Variants in DNAH14 observed in about 807,000 individuals in gnomAD.
DNAH14 encodes the protein axonemal beta dynein heavy chain 14.
Under a neutral mutation model 520.9 loss-of-function variants are expected in DNAH14, and 478 were observed. The observed-to-expected ratio is 0.92, with a 90% CI of 0.85 to 0.99. The LOEUF (loss-of-function observed/expected upper bound fraction) is 0.99, where lower values mean the gene tolerates loss of function less well. DNAH14 is among the 50% of genes least tolerant of loss of function. The probability of loss-of-function intolerance (pLI) is 0.00; values close to 1 mark genes in which losing one functional copy is unlikely to be tolerated. For missense variants in DNAH14, 4,831 were observed against 5,234.5 expected (o/e 0.92, Z 2.38); for synonymous variants, 1,581 against 1,757.2 (o/e 0.90, Z 2.51).
At chr1:225,289,535 GATCT>G (rs1008083116) in intron 54 of DNAH14, among the ~76,000 whole-genome samples, 17 of 152,140 alleles carry the variant, frequency 1.1e-4, no homozygotes, top group African/African-American at 3.9e-4. Flanking sequence ...AAAAGGAAAA[GATCT>G]ATCTAGTTAC....
At chr1:225,043,201 G>A (rs895712335) in intron 13 of DNAH14, 87 bp downstream of exon 13, 2 of 1,341,794 alleles carry the variant, frequency 1.5e-6, no homozygotes, top group Non-Finnish European at 2.0e-6. Context: ...AGGCTGAGGT[G>A]GGAGGATCAC....
chr1:225,369,765 T>G (rs2095596123), intron 77 of DNAH14, among the ~76,000 whole-genome samples: 2 of 152,128 alleles, frequency 1.3e-5, no homozygotes, highest in South Asian at 4.1e-4. Context: ...AGAAAAACCT[T>G]TAATGATTTT....
intron 79 of DNAH14, among the ~76,000 whole-genome samples, chr1:225,379,726 T>C (rs1397916874): frequency 6.6e-6 from 1 of 152,124 alleles, no homozygotes; most frequent in Non-Finnish European, 1.5e-5. Flanking sequence ...GGTTTTACCA[T>C]GTTGGCCAGG....
chr1:225,225,224 A>G (rs1413514038), intron 41 of DNAH14, among the ~76,000 whole-genome samples: 3 of 152,230 alleles, frequency 2.0e-5, no homozygotes, highest in African/African-American at 7.2e-5. Context: ...TGTTAACCCT[A>G]GAGGACTAGA....
intron 71 of DNAH14, among the ~76,000 whole-genome samples, chr1:225,350,169 C>T (rs2095345833): frequency 6.6e-6 from 1 of 152,100 alleles, no homozygotes; most frequent in Non-Finnish European, 1.5e-5. Context: ...GAAATTAACA[C>T]ACTCTTAAAC....
At chr1:225,371,275 G>T (rs1438979267) in intron 77 of DNAH14, among the ~76,000 whole-genome samples, 1 of 151,958 alleles carries the variant, frequency 6.6e-6, no homozygotes, top group East Asian at 1.9e-4. Flanking sequence ...AACCAAGTTG[G>T]GTTTATTCCA....
chr1:225,090,866 T>G (rs1001150958), intron 21 of DNAH14, among the ~76,000 whole-genome samples: 3 of 152,164 alleles, frequency 2.0e-5, no homozygotes, highest in African/African-American at 7.2e-5. Flanking sequence ...AAGGAAAATT[T>G]ATGTATTAGA....
At chr1:225,005,242 A>G (rs1197146433) in intron 9 of DNAH14, among the ~76,000 whole-genome samples, 2 of 152,184 alleles carry the variant, frequency 1.3e-5, no homozygotes, top group African/African-American at 2.4e-5. Flanking sequence ...CTTAATAAAA[A>G]TGTAAATATT....
At chr1:224,990,414 A>G (rs2125752978) in intron 8 of DNAH14, among the ~76,000 whole-genome samples, 1 of 152,272 alleles carries the variant, frequency 6.6e-6, no homozygotes, top group South Asian at 2.1e-4. Flanking sequence ...TCAAAACAAC[A>G]ACTTATTCTT....
At chr1:225,107,368 C>G (rs12405125) in intron 23 of DNAH14, among the ~76,000 whole-genome samples, 1 of 152,160 alleles carries the variant, frequency 6.6e-6, no homozygotes, top group South Asian at 2.1e-4. Flanking sequence ...TCTCCAGCTG[C>G]GTACTGCTTT....
chr1:225,019,030 A>G (rs1436084994), intron 10 of DNAH14, among the ~76,000 whole-genome samples: 1 of 152,236 alleles, frequency 6.6e-6, no homozygotes, highest in Admixed American at 6.5e-5. Flanking sequence ...CATAACAACA[A>G]GCTAATAACA....
intron 11 of DNAH14, among the ~76,000 whole-genome samples, chr1:225,033,952 G>A (rs578213806): frequency 6.6e-6 from 1 of 152,158 alleles, no homozygotes; most frequent in Non-Finnish European, 1.5e-5. Flanking sequence ...CTGTTTATCA[G>A]CTGAAGGAGC....
intron 23 of DNAH14, among the ~76,000 whole-genome samples, chr1:225,106,469 A>G (rs1015887991): frequency 6.6e-6 from 1 of 152,168 alleles, no homozygotes; most frequent in Non-Finnish European, 1.5e-5. Flanking sequence ...AATATCCTGC[A>G]GAGTGTTTTC....
At chr1:225,229,020 C>T (rs1574146687) in intron 41 of DNAH14, among the ~76,000 whole-genome samples, 1 of 152,310 alleles carries the variant, frequency 6.6e-6, no homozygotes, top group Middle Eastern at 3.4e-3. Context: ...GTGTGCAGGA[C>T]TGCTCTCTAC....
chr1:225,192,293 G>T (rs536701650), intron 37 of DNAH14, among the ~76,000 whole-genome samples: 1 of 152,130 alleles, frequency 6.6e-6, no homozygotes, highest in South Asian at 2.1e-4. Context: ...AGATATTCTG[G>T]CAAGACAGGT....
At chr1:224,949,437 T>C (rs1409104709) in intron 1 of DNAH14, among the ~76,000 whole-genome samples, 1 of 152,234 alleles carries the variant, frequency 6.6e-6, no homozygotes, top group African/African-American at 2.4e-5. Flanking sequence ...TGAAGGTTTA[T>C]GTCTGGAAAA....
Position 225,358,668 on chromosome 1 carries a change from A to ATAGT in DNAH14, c.11776+19_11776+22dup. The ATAGT allele has an allele frequency of 1.3e-6, 2 of 1,543,238 alleles. 1 individual carries two copies. The highest frequency in any genetic ancestry group is 3.4e-4 in the Middle Eastern group (2 of 5,890). ...CAAACTCATGGTAAGCTATTTGTGA[A>ATAGT]TAGTTAAGATGATCGATATGGTTTG... On this transcript the variant is annotated intron_variant, in intron 74 of 85. Transcript: ENST00000682510.
At chr1:225,328,425 A>T (rs1222253480) in intron 64 of DNAH14, among the ~76,000 whole-genome samples, 1 of 152,154 alleles carries the variant, frequency 6.6e-6, no homozygotes, top group Non-Finnish European at 1.5e-5. Context: ...AGTTTCTAGT[A>T]TTTGAACTCA....
chr1:225,216,165 G>T (rs2089283668), intron 41 of DNAH14, among the ~76,000 whole-genome samples: 1 of 152,100 alleles, frequency 6.6e-6, no homozygotes, highest in Admixed American at 6.5e-5. Context: ...AGCTTAGTTT[G>T]GCTGGATATG....
Sources: gnomAD v4.1 joint callset for allele counts (sites outside exome capture counted in the v4.1 genomes callset) on GRCh38, gnomAD v4.1.1 for gene constraint, MANE v1.5 for transcripts, NCBI Gene and HGNC (gene_info 2026-07-23, HGNC 2026-07-21) for gene names.